The following CLEC2L variants were observed in gnomAD, a reference collection of about 807,000 sequenced individuals.
CLEC2L encodes C-type lectin domain family 2, member L.
CLEC2L carries 14 observed loss-of-function variants against 23.6 expected under a neutral mutation model. That is an observed-to-expected ratio of 0.59 (90% confidence interval 0.39 to 0.93). The LOEUF (loss-of-function observed/expected upper bound fraction) is 0.93. CLEC2L is among the 40% of genes least tolerant of loss of function. The pLI, the probability that CLEC2L is intolerant of heterozygous loss-of-function variation, is 0.00. For missense variants in CLEC2L, 264 were observed against 282.4 expected (o/e 0.93, Z 0.47); for synonymous variants, 114 against 121.3 (o/e 0.94, Z 0.40).
chr7:139,526,930 A>T (rs1429674093), intron 1 of CLEC2L, among the ~76,000 whole-genome samples: 1 of 152,184 alleles, frequency 6.6e-6, no homozygotes, highest in African/African-American at 2.4e-5. Context: ...CAATGGGAGG[A>T]GGGATCTGTC....
intron 1 of CLEC2L, among the ~76,000 whole-genome samples, chr7:139,524,647 ACTC>A (rs1797480723): frequency 6.6e-6 from 1 of 151,758 alleles, no homozygotes; most frequent in East Asian, 2.0e-4. Context: ...GGTCACACCT[ACTC>A]CTCCATCAGA....
chr7:139,537,708 C>T (rs753184776), intron 2 of CLEC2L, among the ~76,000 whole-genome samples: 6 of 152,154 alleles, frequency 3.9e-5, no homozygotes, highest in Non-Finnish European at 7.3e-5. Flanking sequence ...GAGAACCCTT[C>T]CTGTTGATTC....
At position 139,540,570 on chromosome 7, in the gene CLEC2L, A is replaced by G; in HGVS notation, c.432+83A>G. ...GACTCTAGGGGACAGCCACACAGTAAAGGATGCAGTGTTCCCTGTGACACG... is the reference window on the plus strand; with the variant it reads ...GACTCTAGGGGACAGCCACACAGTAGAGGATGCAGTGTTCCCTGTGACACG... On this transcript the variant is annotated intron_variant, in intron 3 of 4. Coordinates refer to ENST00000422142, the MANE Select transcript of CLEC2L (RefSeq NM_001080511.4). This position sits in a 1 kb window ranked among gnomAD's most constrained non-coding sequence, Gnocchi z 5.8. 1 of 1,468,446 alleles carries G rather than the reference A, an allele frequency of 6.8e-7. No homozygotes were observed. Among genetic ancestry groups the G allele is most frequent in the African/African-American group, 1.4e-5 (1 of 71,258 alleles). 91.0% of individuals were successfully genotyped at this position (1,468,446 alleles called of 1,614,324 possible). A position where few individuals can be genotyped will look rare whatever the true frequency, so the allele number is the denominator to read the frequency against.
intron 2 of CLEC2L, among the ~76,000 whole-genome samples, chr7:139,538,744 A>C (rs2116322600): frequency 7.3e-6 from 1 of 137,250 alleles, no homozygotes; most frequent in East Asian, 2.1e-4. Context: ...GCGAGACTCC[A>C]TCTCAAAAAA....
intron 1 of CLEC2L, among the ~76,000 whole-genome samples, chr7:139,532,980 A>G (rs895454698): frequency 5.3e-5 from 8 of 152,264 alleles, no homozygotes; most frequent in African/African-American, 1.9e-4. Context: ...AATGATACCC[A>G]TACAGAAACT....
intron 1 of CLEC2L, among the ~76,000 whole-genome samples, chr7:139,533,220 T>C (rs112234090): frequency 0.013 from 2,033 of 152,216 alleles, 41 homozygotes; most frequent in African/African-American, 0.045. Context: ...GGAAAATGAA[T>C]AAATTATATC....
At chr7:139,541,078 G>A (rs1225480663) in intron 3 of CLEC2L, among the ~76,000 whole-genome samples, 2 of 151,820 alleles carry the variant, frequency 1.3e-5, no homozygotes, top group Non-Finnish European at 2.9e-5. Context: ...GTGCAATCTC[G>A]GCTCACTGCA....
intron 4 of CLEC2L, among the ~76,000 whole-genome samples, chr7:139,543,566 G>A (rs1797766899): frequency 6.6e-6 from 1 of 152,194 alleles, no homozygotes; most frequent in African/African-American, 2.4e-5. Context: ...AGAAACCTCT[G>A]AGGCTGGAAA....
In CLEC2L at chr7:139,542,015, G is replaced by A. The variant is rs1797741967; in HGVS notation, c.433-6G>A. The A allele has an allele frequency of 1.5e-5, 24 of 1,604,826 alleles. No homozygotes were observed. Among genetic ancestry groups the A allele is most frequent in the Non-Finnish European group, 2.0e-5 (23 of 1,174,860 alleles). On this transcript the variant is annotated splice_region_variant and splice_polypyrimidine_tract_variant and intron_variant, in intron 3 of 4. Coordinates refer to ENST00000422142, the MANE Select transcript of CLEC2L (RefSeq NM_001080511.4). ...ACCCTGAGGTGTCCCTTTTTCCTCG[G>A]TGCAGGAATTTATGTTCAAGTTCAC...
intron 1 of CLEC2L, among the ~76,000 whole-genome samples, chr7:139,529,661 C>T (rs1797551838): frequency 6.6e-6 from 1 of 152,202 alleles, no homozygotes; most frequent in African/African-American, 2.4e-5. Flanking sequence ...GGTAACTTGC[C>T]AACATAGACC....
chr7:139,537,888 A>G (rs1264357339), intron 2 of CLEC2L, among the ~76,000 whole-genome samples: 1 of 152,248 alleles, frequency 6.6e-6, no homozygotes, highest in Non-Finnish European at 1.5e-5. Flanking sequence ...AGAAACTGCA[A>G]CTAAGAACAT....
chr7:139,538,328 G>A (rs768438404), intron 2 of CLEC2L, among the ~76,000 whole-genome samples: 6 of 151,278 alleles, frequency 4.0e-5, no homozygotes, highest in Non-Finnish European at 8.8e-5. Context: ...AGCTACTCGG[G>A]AGGCTGAGGA....
intron 4 of CLEC2L, among the ~76,000 whole-genome samples, chr7:139,542,561 G>A (rs557938657): frequency 1.5e-4 from 23 of 152,376 alleles, no homozygotes; most frequent in African/African-American, 5.3e-4. Flanking sequence ...GATGGGAGAT[G>A]CGCCTCTGTC....
intron 1 of CLEC2L, among the ~76,000 whole-genome samples, chr7:139,527,479 T>G (rs1797521308): frequency 6.6e-6 from 1 of 152,180 alleles, no homozygotes; most frequent in African/African-American, 2.4e-5. Context: ...TTTTCTGAGA[T>G]GAATAACTAG....
Position 139,524,120 on chromosome 7 carries a change from A to C in CLEC2L, c.190+3A>C. The C allele has an allele frequency of 8.2e-7, 1 of 1,220,996 alleles. No individual in the cohort carries two copies. The highest frequency in any genetic ancestry group is 1.0e-6 in the Non-Finnish European group (1 of 978,518). The allele number at this position is 1,220,996 out of a possible 1,614,324, so 75.6% of individuals were successfully genotyped here. On this transcript the variant is annotated splice_donor_region_variant and intron_variant, in intron 1 of 4. Transcript: ENST00000422142. Reference sequence around the variant, plus strand: ...CAGCTGGAAGGCGGCCTTGGAGGGTAAGCGCGGAGCGGCCTCCCTCTCCTG... The same window carrying C: ...CAGCTGGAAGGCGGCCTTGGAGGGTCAGCGCGGAGCGGCCTCCCTCTCCTG...
At position 139,540,260 on chromosome 7, in the gene CLEC2L, A is replaced by G; in HGVS notation, c.266-61A>G. ...GCTGAGGCAGGGGAGGGAGCCACAG[A>G]AAGCAGAGTGGGACTCGGGCTGGGG... On this transcript the variant is annotated intron_variant, in intron 2 of 4. Coordinates refer to ENST00000422142, the MANE Select transcript of CLEC2L (RefSeq NM_001080511.4). This position sits in a 1 kb window ranked among gnomAD's most constrained non-coding sequence, Gnocchi z 5.8. The G allele has an allele frequency of 6.5e-7, 1 of 1,529,240 alleles. No homozygotes were observed. The highest frequency in any genetic ancestry group is 8.9e-7 in the Non-Finnish European group (1 of 1,128,208). The allele number at this position is 1,529,240 out of a possible 1,614,324, so 94.7% of individuals were successfully genotyped here. A position where few individuals can be genotyped will look rare whatever the true frequency, so the allele number is the denominator to read the frequency against.
At chr7:139,544,141 G>A in intron 4 of CLEC2L, 90 bp from the exon 5 acceptor site, 1 of 863,982 alleles carries the variant, frequency 1.2e-6, no homozygotes, top group South Asian at 1.5e-5. Flanking sequence ...GGGAGGGATA[G>A]GTCACAGGGC....
chr7:139,530,246 A>T (rs1797562633), intron 1 of CLEC2L, among the ~76,000 whole-genome samples: 1 of 152,140 alleles, frequency 6.6e-6, no homozygotes, highest in Non-Finnish European at 1.5e-5. Context: ...CCATAAGGAC[A>T]AGAACAAGAG....
At chr7:139,527,695 A>C (rs1797524631) in intron 1 of CLEC2L, among the ~76,000 whole-genome samples, 1 of 152,102 alleles carries the variant, frequency 6.6e-6, no homozygotes, top group Admixed American at 6.5e-5. Context: ...GCCTGGGGGT[A>C]TGGGAGAGGG....
Sources: gnomAD v4.1 joint callset for allele counts (sites outside exome capture counted in the v4.1 genomes callset) on GRCh38, gnomAD v4.1.1 for gene constraint, Gnocchi (gnomAD v3.1) non-coding constraint, MANE v1.5 for transcripts, NCBI Gene and HGNC (gene_info 2026-07-23, HGNC 2026-07-21) for gene names.